Variants in COL4A6 observed in about 807,000 individuals in gnomAD.
COL4A6 encodes the protein collagen alpha-6(IV) chain.
COL4A6 carries 59 observed loss-of-function variants against 126.7 expected under a neutral mutation model. The observed-to-expected ratio is 0.47, with a 90% CI of 0.38 to 0.58. The LOEUF (loss-of-function observed/expected upper bound fraction) is 0.58. Ranked by LOEUF, COL4A6 falls within the 20% of genes least tolerant of loss-of-function variation. The pLI, the probability that COL4A6 is intolerant of heterozygous loss-of-function variation, is 0.00. For missense variants in COL4A6, 1,285 were observed against 1,337.3 expected (o/e 0.96, Z 0.61); for synonymous variants, 547 against 496.6 (o/e 1.10, Z -1.35).
At chrX:108,416,045 G>A (rs1260849501) in intron 2 of COL4A6, among the ~76,000 whole-genome samples, 1 of 112,047 alleles carries the variant, frequency 8.9e-6, no homozygotes, top group Non-Finnish European at 1.9e-5. Context: ...TGTTTGGCAT[G>A]GGTATCTTCC....
chrX:108,310,045 G>C (rs1393147459), intron 3 of COL4A6, among the ~76,000 whole-genome samples: 3 of 110,119 alleles, frequency 2.7e-5, no homozygotes, highest in Non-Finnish European at 3.8e-5. Flanking sequence ...ACTTTTCCTG[G>C]GTTATAATAA....
At chrX:108,161,908 T>C (rs889106475) in intron 41 of COL4A6, among the ~76,000 whole-genome samples, 173 bp from the exon 42 acceptor site, 1 of 112,576 alleles carries the variant, frequency 8.9e-6, no homozygotes, top group African/African-American at 3.2e-5. Context: ...GGCTAGTTCT[T>C]AGTTCATGGG....
intron 3 of COL4A6, among the ~76,000 whole-genome samples, chrX:108,254,429 C>A (rs2036938060): frequency 9.0e-6 from 1 of 111,715 alleles, no homozygotes; most frequent in Non-Finnish European, 1.9e-5. Context: ...CATAAGGTGG[C>A]AGAAACAGGG....
rs755999199 is a variant in COL4A6, at chrX:108,161,759, AG to A, written c.4217-25del. Reference sequence around the variant, plus strand: ...GCCTGCAGGAGAGAAAGCCCAAAGGAGGGTACTCAATGTAGAGGGTCCCCAG... The same window carrying A: ...GCCTGCAGGAGAGAAAGCCCAAAGGAGGTACTCAATGTAGAGGGTCCCCAG... On this transcript the variant is annotated intron_variant, in intron 41 of 44. Transcript: ENST00000334504. 863 of 1,067,710 alleles carry A rather than the reference AG, an allele frequency of 8.1e-4. 2 individuals carry two copies. The highest frequency in any genetic ancestry group is 5.0e-4 in the Middle Eastern group (2 of 4,011). The allele number at this position is 1,067,710 out of a possible 1,213,427, so 88.0% of individuals were successfully genotyped here.
intron 2 of COL4A6, among the ~76,000 whole-genome samples, chrX:108,364,170 C>T (rs1195710842): frequency 9.0e-6 from 1 of 110,944 alleles, no homozygotes; most frequent in Non-Finnish European, 1.9e-5. Context: ...CCACGACTGG[C>T]CCACAGTAGC....
At chrX:108,364,355 C>A (rs957759059) in intron 2 of COL4A6, among the ~76,000 whole-genome samples, 7 of 109,627 alleles carry the variant, frequency 6.4e-5, no homozygotes, top group South Asian at 8.3e-4. Context: ...AGGAAAAAAA[C>A]CAACCTAAGT....
intron 3 of COL4A6, among the ~76,000 whole-genome samples, chrX:108,279,968 A>G (rs2037752099): frequency 9.0e-6 from 1 of 111,324 alleles, no homozygotes; most frequent in Admixed American, 9.5e-5. Context: ...ACAACATACC[A>G]GAATCTCTGG....
intron 22 of COL4A6, 33 bp from the exon 23 acceptor site, chrX:108,187,312 C>G: frequency 9.4e-7 from 1 of 1,059,680 alleles, no homozygotes; most frequent in African/African-American, 1.9e-5. Flanking sequence ...AATGAAAATT[C>G]AACTCAGAGA....
chrX:108,319,165 C>T (rs2038958297), intron 2 of COL4A6, among the ~76,000 whole-genome samples: 5 of 111,772 alleles, frequency 4.5e-5, no homozygotes, highest in East Asian at 2.8e-4. Flanking sequence ...TCGCTTGAGC[C>T]GAGGAGTTCG....
At chrX:108,280,807 G>A (rs1447774534) in intron 3 of COL4A6, among the ~76,000 whole-genome samples, 9 of 111,175 alleles carry the variant, frequency 8.1e-5, no homozygotes, top group African/African-American at 2.3e-4. Flanking sequence ...TGATCAAGTG[G>A]GCTTCATCCC....
intron 2 of COL4A6, chrX:108,383,789 G>A (rs867639377): frequency 2.3e-5 from 12 of 513,682 alleles, no homozygotes; most frequent in South Asian, 1.1e-4. Flanking sequence ...TTGTATGGAA[G>A]TAATGGAAAC....
intron 2 of COL4A6, among the ~76,000 whole-genome samples, chrX:108,321,781 T>G (rs183268089): frequency 9.0e-6 from 1 of 111,159 alleles, no homozygotes; most frequent in Non-Finnish European, 1.9e-5. Context: ...TTTGGCTAGA[T>G]CAGACCTATC....
Position 108,178,665 on chromosome X carries a change from C to T in COL4A6, c.2515+19G>A. 8.3e-7 allele frequency: 1 copy of T among 1,207,934 alleles called. No individual in the cohort carries two copies. The highest frequency in any genetic ancestry group is 1.1e-6 in the Non-Finnish European group (1 of 893,751). ...AGCTGAAGTCTGTCAAGGTGGGACTCTTCCTCTGAAGGACCTACCTGAGAT... is the reference window on the plus strand; with the variant it reads ...AGCTGAAGTCTGTCAAGGTGGGACTTTTCCTCTGAAGGACCTACCTGAGAT... On this transcript the variant is annotated intron_variant, in intron 27 of 44. Transcript: ENST00000334504.
intron 3 of COL4A6, among the ~76,000 whole-genome samples, chrX:108,291,072 A>G (rs2038148950): frequency 9.0e-6 from 1 of 111,492 alleles, no homozygotes; most frequent in Admixed American, 9.5e-5. Flanking sequence ...GTGGCTAGTC[A>G]CTCTAGTTGG....
At chrX:108,398,871 A>G (rs1377382101) in intron 2 of COL4A6, among the ~76,000 whole-genome samples, 1 of 111,695 alleles carries the variant, frequency 9.0e-6, no homozygotes, top group Non-Finnish European at 1.9e-5. Context: ...ACCAATAAGT[A>G]TACTTGGTAA....
chrX:108,411,064 T>C (rs2041318008), intron 2 of COL4A6, among the ~76,000 whole-genome samples: 1 of 112,144 alleles, frequency 8.9e-6, no homozygotes, highest in African/African-American at 3.2e-5. Flanking sequence ...GATGAAGAAT[T>C]TGGGCACAGC....
At chrX:108,327,471 C>T (rs1005911759) in intron 2 of COL4A6, among the ~76,000 whole-genome samples, 1 of 102,442 alleles carries the variant, frequency 9.8e-6, no homozygotes, top group Non-Finnish European at 2.0e-5. Flanking sequence ...GCTATTGGTA[C>T]AGGCAGCATC....
chrX:108,199,244 G>A (rs944514584), intron 13 of COL4A6, among the ~76,000 whole-genome samples: 11 of 110,699 alleles, frequency 9.9e-5, no homozygotes, highest in African/African-American at 2.0e-4. Context: ...CTTGTTTCTC[G>A]GTGAGTGTGG....
chrX:108,210,897 C>G (rs2035683316), intron 7 of COL4A6, among the ~76,000 whole-genome samples: 1 of 111,807 alleles, frequency 8.9e-6, no homozygotes, highest in Non-Finnish European at 1.9e-5. Context: ...TCACTGCCTT[C>G]CAAAGTGATT....
Sources: gnomAD v4.1 joint callset for allele counts (sites outside exome capture counted in the v4.1 genomes callset) on GRCh38, gnomAD v4.1.1 for gene constraint, MANE v1.5 for transcripts, NCBI Gene and HGNC (gene_info 2026-07-23, HGNC 2026-07-21) for gene names.